Variants in KLF8 observed in about 807,000 individuals in gnomAD.
KLF8 encodes KLF transcription factor 8.
In KLF8, 10 loss-of-function variants were observed where a neutral mutation model predicts 18.2. The ratio of observed to expected loss-of-function variants is 0.55; its 90% CI spans 0.34 to 0.93. KLF8 has a LOEUF of 0.93. Ranked by LOEUF, KLF8 falls within the 40% of genes least tolerant of loss-of-function variation. The pLI is 0.02. For synonymous variants in KLF8, 109 were observed against 97.3 expected (o/e 1.12, Z -0.71); for missense variants, 264 against 277.9 (o/e 0.95, Z 0.36).
At chrX:56,103,901 A>T in the KLF8 span, among the ~76,000 whole-genome samples, 1 of 110,913 alleles carries the variant, frequency 9.0e-6, no homozygotes, top group Non-Finnish European at 1.9e-5. Context: ...TACCTAATTT[A>T]TTGAGAGTTT....
At chrX:56,272,400 G>C (rs917235017) in intron 5 of KLF8, among the ~76,000 whole-genome samples, 1 of 111,044 alleles carries the variant, frequency 9.0e-6, no homozygotes, top group Non-Finnish European at 1.9e-5. Flanking sequence ...TAGTAGAGAT[G>C]GGGTTCCACC....
At chrX:56,153,853 C>T in the KLF8 span, among the ~76,000 whole-genome samples, 1 of 111,160 alleles carries the variant, frequency 9.0e-6, no homozygotes, top group Non-Finnish European at 1.9e-5. Context: ...GAATAAAATA[C>T]CTAGGAATCC....
the KLF8 span, among the ~76,000 whole-genome samples, chrX:56,185,813 A>C: frequency 9.8e-5 from 11 of 111,703 alleles, no homozygotes; most frequent in East Asian, 1.4e-3. Flanking sequence ...CCTTTACAGA[A>C]AAGCAAATGC....
chrX:55,942,042 A>G, the KLF8 span, among the ~76,000 whole-genome samples: 1 of 111,746 alleles, frequency 8.9e-6, no homozygotes, highest in African/African-American at 3.3e-5. Context: ...ACTATAAGTC[A>G]TGCTGCCTTA....
At chrX:56,107,333 C>G in the KLF8 span, among the ~76,000 whole-genome samples, 1 of 112,248 alleles carries the variant, frequency 8.9e-6, no homozygotes, top group Non-Finnish European at 1.9e-5. Flanking sequence ...GAGGTGGAAT[C>G]TATAGAGGCA....
chrX:56,242,101 T>G (rs2066553092), intron 1 of KLF8, among the ~76,000 whole-genome samples: 1 of 112,597 alleles, frequency 8.9e-6, no homozygotes, highest in Non-Finnish European at 1.9e-5. Context: ...TAGACTTTTA[T>G]CATAATTCCT....
chrX:56,184,563 C>T, the KLF8 span, among the ~76,000 whole-genome samples: 1 of 112,438 alleles, frequency 8.9e-6, no homozygotes, highest in African/African-American at 3.2e-5. Flanking sequence ...AATGGGCAGA[C>T]TGCCTCCTCA....
At chrX:56,077,052 G>A in the KLF8 span, among the ~76,000 whole-genome samples, 9 of 111,729 alleles carry the variant, frequency 8.1e-5, no homozygotes, top group Non-Finnish European at 1.3e-4. Flanking sequence ...CCCTTTGTCA[G>A]ATGAGTAGGT....
At position 56,265,196 on chromosome X, in the gene KLF8, G is replaced by C. The variant is rs144407506; in HGVS notation, c.98G>C (p.Arg33Pro). ...QVFKQVTASVRNRDPPEIEYR... is the reference protein window; with the variant it reads ...QVFKQVTASVPNRDPPEIEYR... ...TTATTTAAGGTCACTGCTTCTGTTC[G>C]GAACAGAGATCCCCCTGAGATAGAA... The change falls in exon 3 of 6, where the codon CGG becomes CCG. Residue 33 changes from arginine to proline, a missense_variant. Arg to Pro is a moderately radical substitution (Grantham distance 103). Coordinates refer to ENST00000468660, the MANE Select transcript of KLF8 (RefSeq NM_007250.5). 6 of 1,197,662 alleles carry C rather than the reference G, an allele frequency of 5.0e-6. No individual in the cohort carries two copies. The highest frequency in any genetic ancestry group is 6.8e-6 in the Non-Finnish European group (6 of 885,894).
At chrX:55,920,634 A>G in the KLF8 span, among the ~76,000 whole-genome samples, 2 of 82,508 alleles carry the variant, frequency 2.4e-5, no homozygotes, top group Non-Finnish European at 4.8e-5. Context: ...AATGCAGTGG[A>G]AAATCTCAGC....
the KLF8 span, among the ~76,000 whole-genome samples, chrX:56,071,953 A>C: frequency 8.9e-6 from 1 of 112,232 alleles, no homozygotes; most frequent in South Asian, 3.7e-4. Context: ...TGCATGAGAC[A>C]GCCTGTTAAT....
chrX:56,064,095 A>G, the KLF8 span, among the ~76,000 whole-genome samples: 9 of 103,180 alleles, frequency 8.7e-5, no homozygotes, highest in South Asian at 4.1e-4. Context: ...GTATATATAC[A>G]TATATACATA....
the KLF8 span, among the ~76,000 whole-genome samples, chrX:56,120,808 G>A: frequency 9.0e-6 from 1 of 111,500 alleles, no homozygotes; most frequent in South Asian, 3.7e-4. Context: ...GTGAGGGTGA[G>A]AGTTTGACCT....
At chrX:56,075,577 A>T in the KLF8 span, among the ~76,000 whole-genome samples, 4 of 111,109 alleles carry the variant, frequency 3.6e-5, no homozygotes, top group Non-Finnish European at 7.6e-5. Flanking sequence ...GACTGTACCC[A>T]CTCCATTGTG....
At chrX:56,086,558 G>T in the KLF8 span, among the ~76,000 whole-genome samples, 1 of 110,812 alleles carries the variant, frequency 9.0e-6, no homozygotes, top group Non-Finnish European at 1.9e-5. Context: ...TTGTCTTAAA[G>T]CTTTTATGTT....
chrX:56,194,438 C>G, the KLF8 span, among the ~76,000 whole-genome samples: 3 of 112,083 alleles, frequency 2.7e-5, no homozygotes, highest in South Asian at 3.7e-4. Flanking sequence ...GTCCCAGACC[C>G]GCAGAGCCTT....
chrX:56,104,700 G>T, the KLF8 span, among the ~76,000 whole-genome samples: 3 of 110,948 alleles, frequency 2.7e-5, no homozygotes, highest in Non-Finnish European at 5.7e-5. Context: ...AGGGTTTTTT[G>T]TGTCTCTATC....
the KLF8 span, among the ~76,000 whole-genome samples, chrX:56,087,404 T>C: frequency 9.1e-6 from 1 of 110,259 alleles, no homozygotes; most frequent in Admixed American, 9.8e-5. Context: ...TCTTGTGACA[T>C]ATGCTCATTT....
chrX:56,047,068 T>C, the KLF8 span, among the ~76,000 whole-genome samples: 677 of 110,554 alleles, frequency 6.1e-3, 6 homozygotes, highest in African/African-American at 0.021. Flanking sequence ...TTTAATTTTT[T>C]TTTTTGTCTT....
Sources: allele counts gnomAD v4.1 joint callset (sites outside exome capture counted in the v4.1 genomes callset), GRCh38; gene constraint gnomAD v4.1.1; transcripts MANE v1.5; gene names NCBI Gene and HGNC (gene_info 2026-07-23, HGNC 2026-07-21).